Variants in SHOC1 observed in about 807,000 individuals in gnomAD.
SHOC1 encodes the protein protein shortage in chiasmata 1 ortholog.
In SHOC1, 136 loss-of-function variants were observed where a neutral mutation model predicts 179.2. The ratio of observed to expected loss-of-function variants is 0.76; its 90% CI spans 0.66 to 0.87. The LOEUF (loss-of-function observed/expected upper bound fraction) is 0.87, where lower values mean the gene tolerates loss of function less well. Ranked by LOEUF, SHOC1 falls within the 40% of genes least tolerant of loss-of-function variation. SHOC1 has a pLI of 0.00. For synonymous variants in SHOC1, 489 were observed against 586.6 expected, an observed-to-expected ratio of 0.83 and a Z score of 2.41; for missense variants, 1,538 against 1,700.8, an observed-to-expected ratio of 0.90 and a Z score of 1.68.
intron 12 of SHOC1, among the ~76,000 whole-genome samples, chr9:111,735,415 T>C (rs1212494299): frequency 6.6e-6 from 1 of 152,116 alleles, no homozygotes; most frequent in Non-Finnish European, 1.5e-5. Context: ...ACTCTCACTT[T>C]TGAGTGAGAA....
chr9:111,791,627 T>C (rs1463792890), intron 1 of SHOC1, among the ~76,000 whole-genome samples, 173 bp from the exon 2 acceptor site: 1 of 152,204 alleles, frequency 6.6e-6, no homozygotes, highest in Non-Finnish European at 1.5e-5. Context: ...TAATGTATAT[T>C]GATAGAAAAT....
chr9:111,781,750 A>AAATAAATAAATTAATTAATT (rs765900257), intron 3 of SHOC1, among the ~76,000 whole-genome samples: 378 of 150,994 alleles, frequency 2.5e-3, no homozygotes, highest in Non-Finnish European at 3.6e-3. Flanking sequence ...ATAAATAAAT[A>AAATAAATAAATTAATTAATT]AATTTGTATG....
intron 22 of SHOC1, among the ~76,000 whole-genome samples, chr9:111,702,625 T>G (rs1186159324): frequency 1.3e-5 from 2 of 152,248 alleles, no homozygotes; most frequent in Non-Finnish European, 2.9e-5. Flanking sequence ...GAAAATATGT[T>G]TAAAACCTAT....
Position 111,726,515 on chromosome 9 carries a change from G to A in SHOC1, c.1834+1118C>T, listed in dbSNP as rs111808367. 2.2e-4 allele frequency among the ~76,000 whole-genome samples: 33 copies of A among 152,136 alleles called. 1 individual carries two copies. The highest frequency in any genetic ancestry group is 7.7e-4 in the African/African-American group (32 of 41,478). ...TGGCCTCAAACAATCCTCCTGCCTC[G>A]GCCTTCCAAAGTTCTGGGATTAGAG... On this transcript the variant is annotated intron_variant, in intron 13 of 27. Transcript: ENST00000682961.
intron 12 of SHOC1, among the ~76,000 whole-genome samples, chr9:111,730,907 C>G (rs1158925866): frequency 6.6e-6 from 1 of 152,126 alleles, no homozygotes; most frequent in Non-Finnish European, 1.5e-5. Flanking sequence ...TTAGTGTAGC[C>G]ATCTTCATCA....
intron 5 of SHOC1, among the ~76,000 whole-genome samples, chr9:111,769,989 T>TTTTTTTTTTTTTTTTTTTTG (rs1835526151): frequency 2.0e-5 from 1 of 50,708 alleles, no homozygotes. Flanking sequence ...TTTTTTTGTT[T>TTTTTTTTTTTTTTTTTTTTG]TTTTTTTTTT....
chr9:111,708,241 C>A (rs1283973927), intron 18 of SHOC1, among the ~76,000 whole-genome samples: 1 of 150,620 alleles, frequency 6.6e-6, no homozygotes, highest in African/African-American at 2.4e-5. Context: ...CTCGCTCTGT[C>A]GCCCAGGCTG....
intron 13 of SHOC1, among the ~76,000 whole-genome samples, chr9:111,727,019 A>C (rs10981036): frequency 0.19 from 29,388 of 152,156 alleles, 2,993 homozygotes; most frequent in Non-Finnish European, 0.22. Flanking sequence ...AAACAATAGC[A>C]GCCAATAAAA....
intron 5 of SHOC1, among the ~76,000 whole-genome samples, chr9:111,772,573 A>T (rs1466400184): frequency 2.0e-5 from 3 of 152,170 alleles, no homozygotes; most frequent in African/African-American, 7.2e-5. Context: ...ATATTTTCTT[A>T]GCAAATCTTC....
intron 5 of SHOC1, among the ~76,000 whole-genome samples, chr9:111,775,450 C>A (rs956260442): frequency 6.6e-6 from 1 of 152,000 alleles, no homozygotes; most frequent in Non-Finnish European, 1.5e-5. Flanking sequence ...AAAATATAAT[C>A]ATCACTTCAT....
intron 19 of SHOC1, among the ~76,000 whole-genome samples, chr9:111,707,465 T>C (rs138097676): frequency 1.3e-5 from 2 of 152,214 alleles, no homozygotes; most frequent in Non-Finnish European, 2.9e-5. Context: ...TGATTTATTA[T>C]TAGCAGGCCC....
chr9:111,785,844 A>G (rs1212313289), intron 3 of SHOC1, 68 bp downstream of exon 3: 1 of 1,280,706 alleles, frequency 7.8e-7, no homozygotes, highest in Non-Finnish European at 1.0e-6. Flanking sequence ...CATATTCTTA[A>G]TAATTTGCTG....
At chr9:111,777,137 G>A (rs1835865899) in intron 4 of SHOC1, among the ~76,000 whole-genome samples, 1 of 152,266 alleles carries the variant, frequency 6.6e-6, no homozygotes, top group South Asian at 2.1e-4. Flanking sequence ...CAGATTACCA[G>A]CTAGGTGGTA....
intron 1 of SHOC1, among the ~76,000 whole-genome samples, chr9:111,794,011 C>T (rs1278520296): frequency 6.6e-6 from 1 of 151,456 alleles, no homozygotes; most frequent in Non-Finnish European, 1.5e-5. Context: ...GCCACCATGC[C>T]CGGCTAATTT....
intron 27 of SHOC1, 86 bp from the exon 28 acceptor site, chr9:111,686,956 CT>C: frequency 4.3e-6 from 2 of 462,108 alleles, no homozygotes; most frequent in Non-Finnish European, 6.2e-6. Context: ...TTTTTTTTTT[CT>C]TTTTTGAGAT....
At chr9:111,686,933 CT>C in intron 27 of SHOC1, 63 bp from the exon 28 acceptor site, 1 of 684,042 alleles carries the variant, frequency 1.5e-6, no homozygotes, top group Non-Finnish European at 2.1e-6. Context: ...TAGGTTTTTT[CT>C]TTTCCTTTTT....
rs1179852800 is a variant in SHOC1 at position 111,722,570 on chromosome 9, G to A, written c.1970C>T (p.Ala657Val). 25 of 1,602,048 alleles carry A rather than the reference G, an allele frequency of 1.6e-5. No homozygotes were observed. Among genetic ancestry groups the A allele is most frequent in the Non-Finnish European group, 2.0e-5 (24 of 1,177,550 alleles). The change falls in exon 15 of 28, where the codon GCA becomes GTA. Residue 657 changes from alanine (A) to valine (V), a missense_variant. Coordinates refer to ENST00000682961, the MANE Select transcript of SHOC1 (RefSeq NM_001378211.1). ...EIQASDSQCQAFCLLEAAASP... is the reference protein window; with the variant it reads ...EIQASDSQCQVFCLLEAAASP... The stretch of plus-strand genomic sequence containing the variant: ...AGCTGCTGCTTCGAGGAGGCAAAAT[G>A]CTTGGCACTGGCTATCTGCAAAAAT...
At chr9:111,729,086 A>G (rs1833444082) in intron 12 of SHOC1, among the ~76,000 whole-genome samples, 2 of 148,464 alleles carry the variant, frequency 1.3e-5, no homozygotes, top group South Asian at 4.3e-4. Flanking sequence ...ACTAAGTCAT[A>G]AACTTTTTGC....
chr9:111,707,943 A>AT lies in SHOC1; in HGVS notation c.2489-20dup. On this transcript the variant is annotated intron_variant, in intron 18 of 27. Coordinates refer to ENST00000682961, the MANE Select transcript of SHOC1 (RefSeq NM_001378211.1). Reference sequence around the variant, plus strand: ...GTTAAACCTGTTGGAAAAAAGAATAATTTTTTTCAGTGTCTTGTTCAGATA... The same window carrying AT: ...GTTAAACCTGTTGGAAAAAAGAATAATTTTTTTTCAGTGTCTTGTTCAGATA... 1.4e-6 allele frequency: 2 copies of AT among 1,457,422 alleles called. No individual in the cohort carries two copies. The highest frequency in any genetic ancestry group is 1.9e-6 in the Non-Finnish European group (2 of 1,079,380). The allele number at this position is 1,457,422 out of a possible 1,614,324, so 90.3% of individuals were successfully genotyped here.
Sources: allele counts gnomAD v4.1 joint callset (sites outside exome capture counted in the v4.1 genomes callset), GRCh38; gene constraint gnomAD v4.1.1; transcripts MANE v1.5; gene names NCBI Gene and HGNC (gene_info 2026-07-23, HGNC 2026-07-21).